PARK7: variants seen among roughly 807,000 people sequenced by gnomAD.
PARK7 encodes the protein Parkinson disease protein 7.
A neutral mutation model predicts 20.5 loss-of-function variants in PARK7; 14 were observed. The observed-to-expected ratio is 0.68, with a 90% CI of 0.45 to 1.07. The LOEUF is 1.07. PARK7 is among the 50% of genes least tolerant of loss of function. PARK7 has a pLI of 0.00. For synonymous variants in PARK7, 98 were observed against 84.3 expected, an observed-to-expected ratio of 1.16 and a Z score of -0.89; for missense variants, 234 against 238.1, an observed-to-expected ratio of 0.98 and a Z score of 0.11.
chr1:7,965,257 T>A (rs902203822), intron 2 of PARK7, 67 bp from the exon 3 acceptor site: 1 of 1,459,446 alleles, frequency 6.9e-7, no homozygotes, highest in South Asian at 1.1e-5. Context: ...TTTCTTTTTT[T>A]TTAAAGACAG....
intron 6 of PARK7, among the ~76,000 whole-genome samples, chr1:7,983,334 C>G (rs1640750986): frequency 6.6e-6 from 1 of 152,238 alleles, no homozygotes; most frequent in Admixed American, 6.5e-5. Flanking sequence ...TTGTCACTTC[C>G]CCCTCCGCTA....
chr1:7,969,419 T>C lies in PARK7; in HGVS notation c.252+15T>C. 8.6e-7 allele frequency: 1 copy of C among 1,166,228 alleles called. No homozygotes were observed. Among genetic ancestry groups the C allele is most frequent in the East Asian group, 2.8e-5 (1 of 35,374 alleles). The allele number at this position is 1,166,228 out of a possible 1,614,324, so 72.2% of individuals were successfully genotyped here. On this transcript the variant is annotated intron_variant, in intron 4 of 6. Coordinates refer to ENST00000338639, the MANE Select transcript of PARK7 (RefSeq NM_007262.5). ...ATTTATCTGAGGTAAAAAATTCTAC[T>C]CAATTATACCTCAATAAAGCTGGGG...
chr1:7,982,061 G>C (rs1318207705), intron 6 of PARK7, among the ~76,000 whole-genome samples: 1 of 127,810 alleles, frequency 7.8e-6, no homozygotes, highest in Non-Finnish European at 1.6e-5. Context: ...TGCAACCTCC[G>C]CCTCCCGGGT....
intron 5 of PARK7, chr1:7,971,175 C>T: frequency 1.6e-6 from 1 of 622,416 alleles, no homozygotes; most frequent in South Asian, 1.8e-5. Flanking sequence ...GGTCTACATG[C>T]TGTGAAACTT....
intron 3 of PARK7, chr1:7,969,140 T>G (rs1034243377): frequency 5.8e-5 from 32 of 552,160 alleles, no homozygotes; most frequent in African/African-American, 5.5e-4. Context: ...TGCATGTCAC[T>G]ACATACAGGT....
At chr1:7,980,120 C>T (rs926344901) in intron 6 of PARK7, among the ~76,000 whole-genome samples, 1 of 144,362 alleles carries the variant, frequency 6.9e-6, no homozygotes, top group African/African-American at 2.6e-5. Flanking sequence ...GAGATCGTGC[C>T]ACTGCACTCC....
In PARK7 at chr1:7,978,804, G is replaced by A. The variant is rs542532493; in HGVS notation, c.409+1066G>A. Among the ~76,000 whole-genome samples the A allele has an allele frequency of 5.5e-5, 8 of 144,962 alleles. No homozygotes were observed. The South Asian group carries it at 6.5e-4, about 12-fold the overall frequency. On this transcript the variant is annotated intron_variant, in intron 6 of 6. Coordinates refer to ENST00000338639, the MANE Select transcript of PARK7 (RefSeq NM_007262.5). Reference sequence around the variant, plus strand: ...CAAAGCTATGGTGAGCTGTGATCTCGCCACTGAACTCCAGCCTGGAGGACA... The same window carrying A: ...CAAAGCTATGGTGAGCTGTGATCTCACCACTGAACTCCAGCCTGGAGGACA...
At chr1:7,965,463 CTTCT>C (rs765309641) in intron 3 of PARK7, 38 bp downstream of exon 3, 12 of 1,549,374 alleles carry the variant, frequency 7.7e-6, no homozygotes, top group African/African-American at 4.1e-5. Flanking sequence ...CTTCATATGG[CTTCT>C]TTGTTTCTTG....
intron 6 of PARK7, among the ~76,000 whole-genome samples, chr1:7,981,601 G>A (rs1222555528): frequency 6.6e-6 from 1 of 152,074 alleles, no homozygotes; most frequent in Non-Finnish European, 1.5e-5. Context: ...GCAAAAACAG[G>A]CAGCAACCTG....
intron 6 of PARK7, among the ~76,000 whole-genome samples, chr1:7,978,436 A>G (rs1253732422): frequency 2.8e-5 from 4 of 140,640 alleles, no homozygotes; most frequent in East Asian, 4.3e-4. Context: ...TCTGTTGCCC[A>G]GGCTGGAATG....
chr1:7,983,237 G>C (rs981308411), intron 6 of PARK7, among the ~76,000 whole-genome samples: 4 of 152,234 alleles, frequency 2.6e-5, no homozygotes, highest in African/African-American at 7.2e-5. Flanking sequence ...GGTGTTCTCA[G>C]GTCCGCACTG....
intron 5 of PARK7, 42 bp downstream of exon 5, chr1:7,971,005 G>A (rs745482990): frequency 6.2e-7 from 1 of 1,603,560 alleles, no homozygotes. Flanking sequence ...TCATTGGTGG[G>A]TGGGGTAGCC....
At chr1:7,974,795 AG>A (rs1188759654) in intron 5 of PARK7, among the ~76,000 whole-genome samples, 1 of 151,772 alleles carries the variant, frequency 6.6e-6, no homozygotes, top group Non-Finnish European at 1.5e-5. Flanking sequence ...AATGGAACAG[AG>A]GAGTGATGGA....
At chr1:7,964,153 T>C (rs959848289) in intron 2 of PARK7, among the ~76,000 whole-genome samples, 2 of 152,124 alleles carry the variant, frequency 1.3e-5, no homozygotes, top group African/African-American at 4.8e-5. Context: ...GTGGTTCTCA[T>C]TTTGCGTGTT....
chr1:7,976,609 A>G lies in PARK7; in HGVS notation c.323-1043A>G, dbSNP rs542410506. Among the ~76,000 whole-genome samples, 30 of 152,330 alleles carry G rather than the reference A, an allele frequency of 2.0e-4. No homozygotes were observed. The South Asian group carries it at 3.3e-3, about 17-fold the overall frequency. On this transcript the variant is annotated intron_variant, in intron 5 of 6. Coordinates refer to ENST00000338639, the MANE Select transcript of PARK7 (RefSeq NM_007262.5). ...GCCTTTATATCTCACACTTCCAGGCACTTCACAGGCTATCTCCTTCAAGGA... is the reference window on the plus strand; with the variant it reads ...GCCTTTATATCTCACACTTCCAGGCGCTTCACAGGCTATCTCCTTCAAGGA...
At chr1:7,962,110 G>GC (rs1379527324) in intron 1 of PARK7, 1 of 152,706 alleles carries the variant, frequency 6.5e-6, no homozygotes, top group African/African-American at 2.4e-5. Flanking sequence ...CTGTAAATAG[G>GC]CTAAAAAAAA....
At chr1:7,962,466 C>A (rs1360421143) in intron 1 of PARK7, among the ~76,000 whole-genome samples, 1 of 152,144 alleles carries the variant, frequency 6.6e-6, no homozygotes, top group Non-Finnish European at 1.5e-5. Context: ...TTTTAAAAAA[C>A]CCATTTGCAA....
chr1:7,964,004 G>C (rs1224135555), intron 2 of PARK7, among the ~76,000 whole-genome samples: 1 of 151,818 alleles, frequency 6.6e-6, no homozygotes, highest in Admixed American at 6.6e-5. Flanking sequence ...TTTAGTAGAT[G>C]GGGTTTCACC....
intron 6 of PARK7, among the ~76,000 whole-genome samples, chr1:7,979,012 G>A (rs1640654433): frequency 6.6e-6 from 1 of 151,990 alleles, no homozygotes. Flanking sequence ...AACAGCACAT[G>A]TAGATTTAGA....
Sources: allele counts gnomAD v4.1 joint callset (sites outside exome capture counted in the v4.1 genomes callset), GRCh38; gene constraint gnomAD v4.1.1; transcripts MANE v1.5; gene names NCBI Gene and HGNC (gene_info 2026-07-23, HGNC 2026-07-21).